RFX7: variants seen among roughly 807,000 people sequenced by gnomAD.
RFX7 encodes DNA-binding protein RFX7.
In RFX7, 26 loss-of-function variants were observed where a neutral mutation model predicts 111.8. That is an observed-to-expected ratio of 0.23 (90% CI 0.17 to 0.32). The LOEUF is 0.32. RFX7 is among the 10% of genes least tolerant of loss of function. The probability of loss-of-function intolerance (pLI) is 1.00; values close to 1 mark genes in which losing one functional copy is unlikely to be tolerated. For synonymous variants in RFX7, 624 were observed against 624.4 expected (o/e 1.00, Z 0.01); for missense variants, 1,573 against 1,772.9 (o/e 0.89, Z 2.02).
intron 2 of RFX7, among the ~76,000 whole-genome samples, chr15:56,235,805 A>T (rs2043616712): frequency 6.6e-6 from 1 of 152,206 alleles, no homozygotes; most frequent in Non-Finnish European, 1.5e-5. Flanking sequence ...GAATGGGTGT[A>T]AAGGTATCCT....
chr15:56,106,146 G>C (rs138416500), intron 5 of RFX7, among the ~76,000 whole-genome samples: 2 of 152,274 alleles, frequency 1.3e-5, no homozygotes, highest in East Asian at 3.9e-4. Flanking sequence ...ACGTTCCTCA[G>C]ATAAAAAGTT....
chr15:56,238,003 A>T lies in RFX7; in HGVS notation c.161+5122T>A, dbSNP rs544661347. Among the ~76,000 whole-genome samples the T allele has an allele frequency of 2.6e-5, 4 of 152,328 alleles. No individual in the cohort carries two copies. In the South Asian group the frequency reaches 8.3e-4, roughly 32 times the overall value. On this transcript the variant is annotated intron_variant, in intron 2 of 9. Coordinates refer to ENST00000559447, the MANE Select transcript of RFX7 (RefSeq NM_022841.7). ...ATACATGGAAGCCAGCTGATGTGCT[A>T]GTCGGTCTGTATTTTTAAAGCAAAA...
chr15:56,134,475 T>C (rs4310792), intron 5 of RFX7, among the ~76,000 whole-genome samples: 57,217 of 151,878 alleles, frequency 0.38, 11,029 homozygotes, highest in Non-Finnish European at 0.41. Flanking sequence ...TTAATTATCA[T>C]TAGAATAATT....
chr15:56,174,955 T>C (rs978640246), intron 3 of RFX7, among the ~76,000 whole-genome samples: 5 of 152,106 alleles, frequency 3.3e-5, no homozygotes, highest in Admixed American at 1.3e-4. Context: ...TATTAGCCTA[T>C]CTCCCAGAGG....
intron 9 of RFX7, among the ~76,000 whole-genome samples, chr15:56,097,760 A>AAAAAAAAAAAAC (rs1476103994): frequency 6.7e-6 from 1 of 150,332 alleles, no homozygotes; most frequent in African/African-American, 2.4e-5. Flanking sequence ...AAAAAAAAAA[A>AAAAAAAAAAAAC]AAAAAAAAAA....
intron 5 of RFX7, among the ~76,000 whole-genome samples, chr15:56,105,809 TGAG>T (rs2140535071): frequency 1.3e-5 from 2 of 152,260 alleles, no homozygotes; most frequent in South Asian, 4.1e-4. Flanking sequence ...TGGGAAATGC[TGAG>T]AAGTGCTCCA....
At chr15:56,232,866 GGA>G (rs1218902418) in intron 2 of RFX7, among the ~76,000 whole-genome samples, 1 of 152,154 alleles carries the variant, frequency 6.6e-6, no homozygotes, top group African/African-American at 2.4e-5. Flanking sequence ...ACCTGAGCCT[GGA>G]TTTCACTGTC....
chr15:56,160,409 A>G (rs929431830), intron 3 of RFX7, among the ~76,000 whole-genome samples: 14 of 151,996 alleles, frequency 9.2e-5, no homozygotes, highest in Non-Finnish European at 1.9e-4. Flanking sequence ...TAAATTCCAG[A>G]AACCTAAATA....
In RFX7 at chr15:56,136,239, T is replaced by C. The variant is rs1439616633; in HGVS notation, c.401+6539A>G. Reference sequence around the variant, plus strand: ...CCATTTTCACGATATTGATTCTTCCTACCCATGAGCATGGAATGTTCTTCC... The same window carrying C: ...CCATTTTCACGATATTGATTCTTCCCACCCATGAGCATGGAATGTTCTTCC... On this transcript the variant is annotated intron_variant, in intron 5 of 9. Transcript: ENST00000559447. 6.1e-5 allele frequency among the ~76,000 whole-genome samples: 9 copies of C among 147,370 alleles called. 1 individual carries two copies. The Admixed American group carries it at 6.1e-4, about 10-fold the overall frequency.
At chr15:56,173,047 G>A (rs893419001) in intron 3 of RFX7, among the ~76,000 whole-genome samples, 9 of 152,138 alleles carry the variant, frequency 5.9e-5, no homozygotes, top group African/African-American at 1.9e-4. Context: ...CTTGACTGTC[G>A]TGCAGAAAGA....
At chr15:56,242,409 G>T in intron 2 of RFX7, among the ~76,000 whole-genome samples, 1 of 151,930 alleles carries the variant, frequency 6.6e-6, no homozygotes. Flanking sequence ...TTTCATACAA[G>T]AAAGTAAAAT....
chr15:56,212,857 CAA>C (rs1343252435), intron 2 of RFX7, among the ~76,000 whole-genome samples: 1 of 151,848 alleles, frequency 6.6e-6, no homozygotes, highest in African/African-American at 2.4e-5. Flanking sequence ...AATATATCAC[CAA>C]AGAGTATACA....
At chr15:56,143,576 A>C (rs2042430755) in intron 4 of RFX7, among the ~76,000 whole-genome samples, 1 of 152,084 alleles carries the variant, frequency 6.6e-6, no homozygotes, top group African/African-American at 2.4e-5. Flanking sequence ...ATAAATACCG[A>C]AATGGACACC....
chr15:56,109,904 G>T (rs1444260690), intron 5 of RFX7, among the ~76,000 whole-genome samples: 1 of 151,746 alleles, frequency 6.6e-6, no homozygotes, highest in Non-Finnish European at 1.5e-5. Context: ...CACCCCGTCC[G>T]GGAGGGAGAT....
At chr15:56,112,807 TA>T (rs199519903) in intron 5 of RFX7, among the ~76,000 whole-genome samples, 3,747 of 151,808 alleles carry the variant, frequency 0.025, 107 homozygotes, top group Admixed American at 0.076. Flanking sequence ...ATTTACCAGA[TA>T]AAAACAAACA....
intron 5 of RFX7, among the ~76,000 whole-genome samples, chr15:56,139,370 C>A: frequency 2.0e-5 from 3 of 152,188 alleles, no homozygotes; most frequent in Non-Finnish European, 4.4e-5. Context: ...TTCATTTCAT[C>A]ATCCATCGCT....
chr15:56,237,754 G>A (rs913805237), intron 2 of RFX7, among the ~76,000 whole-genome samples: 3 of 152,148 alleles, frequency 2.0e-5, no homozygotes, highest in Non-Finnish European at 2.9e-5. Flanking sequence ...AACAGGCTTG[G>A]AATTGCTTAA....
chr15:56,238,006 C>T (rs1485864008), intron 2 of RFX7, among the ~76,000 whole-genome samples: 7 of 152,064 alleles, frequency 4.6e-5, no homozygotes, highest in African/African-American at 7.2e-5. Context: ...ATGTGCTAGT[C>T]GGTCTGTATT....
rs190603653 is a variant in RFX7, at chr15:56,091,503, G to C, written c.*1842C>G. On this transcript the variant is annotated 3_prime_UTR_variant, in exon 10 of 10. Transcript: ENST00000559447. ...TCCATTATTTTTATATTAGTAGGAA[G>C]CTAATAATGTAAACAAGGGATTAGA... 6.6e-6 allele frequency: 1 copy of C among 152,474 alleles called. No individual in the cohort carries two copies. Among genetic ancestry groups the C allele is most frequent in the Non-Finnish European group, 1.5e-5 (1 of 67,960 alleles). 9.4% of individuals were successfully genotyped at this position (152,474 alleles called of 1,614,324 possible).
Sources: allele counts gnomAD v4.1 joint callset (sites outside exome capture counted in the v4.1 genomes callset), GRCh38; gene constraint gnomAD v4.1.1; transcripts MANE v1.5; gene names NCBI Gene and HGNC (gene_info 2026-07-23, HGNC 2026-07-21).